The following EYA3 variants were observed in gnomAD, a reference collection of about 807,000 sequenced individuals.
The protein encoded by EYA3 is protein phosphatase EYA3.
A neutral mutation model predicts 80.0 loss-of-function variants in EYA3; 39 were observed. The ratio of observed to expected loss-of-function variants is 0.49; its 90% CI spans 0.38 to 0.64. The LOEUF is 0.64. EYA3 is among the 30% of genes least tolerant of loss of function. EYA3 has a pLI of 0.00. For synonymous variants in EYA3, 206 were observed against 232.8 expected, an observed-to-expected ratio of 0.88 and a Z score of 1.05; for missense variants, 523 against 676.1, an observed-to-expected ratio of 0.77 and a Z score of 2.51.
At chr1:28,082,951 C>T (rs1264532425) in intron 1 of EYA3, among the ~76,000 whole-genome samples, 2 of 152,116 alleles carry the variant, frequency 1.3e-5, no homozygotes, top group African/African-American at 4.8e-5. Context: ...TTGCAATTTG[C>T]CTTAAGCCAG....
In EYA3 at chr1:28,048,440, T is replaced by C. The variant is rs1436140396; in HGVS notation, c.34-14A>G. On this transcript the variant is annotated splice_polypyrimidine_tract_variant and intron_variant, in intron 2 of 17. Coordinates refer to ENST00000373871, the MANE Select transcript of EYA3 (RefSeq NM_001990.4). ...GGCTTTTTTCACCTGCAAAAATAAA[T>C]ATACAAAGGTATCAATGTACTTGAT... is the stretch of plus-strand genomic sequence containing the variant. The C allele has an allele frequency of 1.2e-6, 2 of 1,605,396 alleles. No homozygotes were observed. Among genetic ancestry groups the C allele is most frequent in the Non-Finnish European group, 1.7e-6 (2 of 1,173,310 alleles).
rs867142699 is a variant in EYA3 at position 28,073,200 on chromosome 1, T to C, written c.-68-15106A>G. On this transcript the variant is annotated intron_variant, in intron 1 of 17. Coordinates refer to ENST00000373871, the MANE Select transcript of EYA3 (RefSeq NM_001990.4). ...CAGGCTGGAGTGCAGTGGCGTGATC[T>C]TGGCTCACTGCAAGCTCCACCTCCC... Among the ~76,000 whole-genome samples the C allele has an allele frequency of 3.6e-5, 5 of 137,566 alleles. 1 individual carries two copies. The Middle Eastern group carries it at 0.019, about 510-fold the overall frequency. 90.2% of individuals were successfully genotyped at this position (137,566 alleles called of 152,430 possible).
chr1:27,986,286 A>G (rs1363200491), intron 16 of EYA3, among the ~76,000 whole-genome samples: 1 of 151,742 alleles, frequency 6.6e-6, no homozygotes, highest in Non-Finnish European at 1.5e-5. Context: ...AATCGCTTGA[A>G]CCTGGGAGGC....
In EYA3 at chr1:28,042,582, A is replaced by G. The variant is rs766990752; in HGVS notation, c.146T>C (p.Met49Thr). ...AATATGGTACTTACTTTCCTCTGAC[A>G]TGGGAAGGTTTGAAGCAAGGCTTGA... ...ETSSLASNLP[M>T]SEEIMTCTDY... The change falls in exon 4 of 18, where the codon ATG (methionine) becomes ACG (threonine). Residue 49 changes from methionine (M) to threonine (T), a missense_variant. Met to Thr is a moderately conservative substitution (Grantham distance 81). Around this residue, in one of 2 missense-constraint regions of EYA3, gnomAD observed 304 missense variants for 343.3 expected, o/e 0.89. Coordinates refer to ENST00000373871, the MANE Select transcript of EYA3 (RefSeq NM_001990.4). 16 of 1,613,816 alleles carry G rather than the reference A, an allele frequency of 9.9e-6. No individual in the cohort carries two copies. Among genetic ancestry groups the G allele is most frequent in the Non-Finnish European group, 1.4e-5 (16 of 1,179,816 alleles).
At chr1:28,037,560 CAG>C (rs112518568) in intron 5 of EYA3, among the ~76,000 whole-genome samples, 6,218 of 152,244 alleles carry the variant, frequency 0.041, 290 homozygotes, top group African/African-American at 0.12. Flanking sequence ...CTTTTTCATG[CAG>C]AGTCTTTGTA....
chr1:28,086,234 T>C (rs1645646557), intron 1 of EYA3, among the ~76,000 whole-genome samples: 1 of 152,068 alleles, frequency 6.6e-6, no homozygotes. Flanking sequence ...TTTTTTTTTT[T>C]TAAGAGAGTC....
At chr1:28,070,926 T>G (rs1049869814) in intron 1 of EYA3, among the ~76,000 whole-genome samples, 1 of 152,104 alleles carries the variant, frequency 6.6e-6, no homozygotes, top group African/African-American at 2.4e-5. Flanking sequence ...CACTATACTG[T>G]TTTTTGTTTG....
At chr1:28,015,918 A>T (rs1292308493) in intron 8 of EYA3, among the ~76,000 whole-genome samples, 1 of 152,236 alleles carries the variant, frequency 6.6e-6, no homozygotes, top group Non-Finnish European at 1.5e-5. Context: ...ACAAAGAGAC[A>T]TAAAAAGGGC....
At chr1:28,016,463 A>C (rs1172540700) in intron 8 of EYA3, among the ~76,000 whole-genome samples, 1 of 148,090 alleles carries the variant, frequency 6.8e-6, no homozygotes, top group African/African-American at 2.5e-5. Context: ...TGAGAGGCAG[A>C]GGTTGCAGTG....
chr1:27,991,070 A>AT (rs1200318177), intron 14 of EYA3, among the ~76,000 whole-genome samples: 3 of 152,116 alleles, frequency 2.0e-5, no homozygotes, highest in Non-Finnish European at 4.4e-5. Context: ...AACCAATAGC[A>AT]TATCTTTTGC....
intron 16 of EYA3, among the ~76,000 whole-genome samples, chr1:27,986,991 T>C (rs1639704808): frequency 6.6e-6 from 1 of 152,182 alleles, no homozygotes; most frequent in Non-Finnish European, 1.5e-5. Flanking sequence ...TGTGAGCCAC[T>C]GTACCCGGCC....
intron 16 of EYA3, among the ~76,000 whole-genome samples, chr1:27,984,676 C>T (rs1639532931): frequency 6.6e-6 from 1 of 152,144 alleles, no homozygotes; most frequent in Admixed American, 6.5e-5. Context: ...TTGGCGTTGC[C>T]TAGCACACAA....
In EYA3 at chr1:28,017,246, G is replaced by A; in HGVS notation, c.500-7C>T. On this transcript the variant is annotated splice_polypyrimidine_tract_variant and splice_region_variant and intron_variant, in intron 7 of 17. Transcript: ENST00000373871. ...CTGGCATTTGTGCTTGAAGCTAGAG[G>A]ATTGATGGGGTTAAAAGATATTAAA... 1.9e-6 allele frequency: 3 copies of A among 1,601,748 alleles called. No homozygotes were observed. The highest frequency in any genetic ancestry group is 2.2e-5 in the East Asian group (1 of 44,768).
chr1:28,076,784 A>C (rs1482823872), intron 1 of EYA3, among the ~76,000 whole-genome samples: 2 of 126,656 alleles, frequency 1.6e-5, no homozygotes, highest in Non-Finnish European at 3.1e-5. Flanking sequence ...CTCATTGCCC[A>C]GGCTGGAGTG....
intron 6 of EYA3, among the ~76,000 whole-genome samples, chr1:28,034,327 C>A (rs890976390): frequency 6.6e-6 from 1 of 151,744 alleles, no homozygotes; most frequent in South Asian, 2.1e-4. Flanking sequence ...AATTGCTAGC[C>A]TATTATTAGT....
chr1:28,076,737 CTTTTTTT>C (rs1024335865), intron 1 of EYA3, among the ~76,000 whole-genome samples: 15 of 115,106 alleles, frequency 1.3e-4, no homozygotes, highest in South Asian at 6.2e-4. Flanking sequence ...TTTATAATTT[CTTTTTTT>C]TTTTTTTTTT....
At chr1:27,989,989 G>C (rs1639935495) in intron 14 of EYA3, among the ~76,000 whole-genome samples, 178 bp from the exon 15 acceptor site, 1 of 151,678 alleles carries the variant, frequency 6.6e-6, no homozygotes, top group East Asian at 1.9e-4. Context: ...GTGCTTTATT[G>C]AATTCCATTG....
At chr1:28,081,699 AG>A (rs1645435358) in intron 1 of EYA3, among the ~76,000 whole-genome samples, 1 of 152,182 alleles carries the variant, frequency 6.6e-6, no homozygotes, top group Non-Finnish European at 1.5e-5. Context: ...GGGGCACAAC[AG>A]GTGAAGCTGA....
At chr1:28,072,648 C>T (rs1461918651) in intron 1 of EYA3, among the ~76,000 whole-genome samples, 1 of 152,144 alleles carries the variant, frequency 6.6e-6, no homozygotes, top group Non-Finnish European at 1.5e-5. Context: ...ACAGTTCAGC[C>T]AGTCATGGAA....
Sources: gnomAD v4.1 joint callset for allele counts (sites outside exome capture counted in the v4.1 genomes callset) on GRCh38, gnomAD v4.1.1 for gene constraint, gnomAD v4.1.1 regional missense constraint, MANE v1.5 for transcripts, NCBI Gene and HGNC (gene_info 2026-07-23, HGNC 2026-07-21) for gene names.